Variants in DACH2 observed in about 807,000 individuals in gnomAD.
DACH2 encodes dachshund homolog 2.
DACH2 carries 17 observed loss-of-function variants against 35.8 expected under a neutral mutation model. The observed-to-expected ratio is 0.48, with a 90% CI of 0.33 to 0.71. The LOEUF (loss-of-function observed/expected upper bound fraction) is 0.71. Among genes scored for constraint, DACH2 ranks in the 30% least tolerant of loss-of-function variants. The probability of loss-of-function intolerance (pLI) is 0.02; values close to 1 mark genes in which losing one functional copy is unlikely to be tolerated. For synonymous variants in DACH2, 195 were observed against 177.3 expected, an observed-to-expected ratio of 1.10 and a Z score of -0.79; for missense variants, 469 against 472.7, an observed-to-expected ratio of 0.99 and a Z score of 0.07.
At chrX:86,244,566 A>G (rs758108486) in intron 1 of DACH2, among the ~76,000 whole-genome samples, 1 of 111,608 alleles carries the variant, frequency 9.0e-6, no homozygotes, top group East Asian at 2.8e-4. Flanking sequence ...GTGAGCCACA[A>G]TTGTACCACT....
At position 86,723,820 on chromosome X, in the gene DACH2, T is replaced by A. The variant is rs190751020; in HGVS notation, c.1104+9100T>A. On this transcript the variant is annotated intron_variant, in intron 6 of 11. Coordinates refer to ENST00000373125, the MANE Select transcript of DACH2 (RefSeq NM_053281.3). Reference sequence around the variant, plus strand: ...GGTTCTCCCATGTTGAGTGCTTATATTTTTAGAATCATGATATCCTCTTGC... The same window carrying A: ...GGTTCTCCCATGTTGAGTGCTTATAATTTTAGAATCATGATATCCTCTTGC... Among the ~76,000 whole-genome samples, 372 of 111,667 alleles carry A rather than the reference T, an allele frequency of 3.3e-3. 4 individuals carry two copies. Among genetic ancestry groups the A allele is most frequent in the African/African-American group, 0.012 (363 of 30,832 alleles).
At chrX:86,332,206 G>A (rs748057514) in intron 1 of DACH2, among the ~76,000 whole-genome samples, 33 of 111,088 alleles carry the variant, frequency 3.0e-4, no homozygotes, top group Non-Finnish European at 4.0e-4. Context: ...CTTAGTGGTC[G>A]GAGCTATTTA....
chrX:86,610,335 TCTTTCTTTC>T (rs1404583947), intron 3 of DACH2, among the ~76,000 whole-genome samples: 15 of 108,119 alleles, frequency 1.4e-4, no homozygotes, highest in African/African-American at 4.3e-4. Context: ...CCTTCCTTCC[TCTTTCTTTC>T]TCCTTCCTTC....
chrX:86,615,329 A>G (rs1057299082), intron 3 of DACH2, among the ~76,000 whole-genome samples: 6 of 111,602 alleles, frequency 5.4e-5, no homozygotes, highest in African/African-American at 1.9e-4. Context: ...GTGAATGAAT[A>G]TTGTTGCTCC....
intron 2 of DACH2, among the ~76,000 whole-genome samples, chrX:86,388,120 TAGA>T (rs953128167): frequency 8.9e-6 from 1 of 112,013 alleles, no homozygotes; most frequent in African/African-American, 3.2e-5. Flanking sequence ...GAGCTGGTGC[TAGA>T]AGAAGAGGAG....
rs905286460 is a variant in DACH2 at position 86,830,446 on chromosome X, C to T, written c.1751-1660C>T. Reference sequence around the variant, plus strand: ...TTGATTCACTTAATATTGTTTTCTTCTTGCTAGCCTAGTTTTTCTTTCAAT... The same window carrying T: ...TTGATTCACTTAATATTGTTTTCTTTTTGCTAGCCTAGTTTTTCTTTCAAT... On this transcript the variant is annotated intron_variant, in intron 11 of 11. Transcript: ENST00000373125. The T allele has an allele frequency of 4.5e-5, 5 of 111,729 alleles. No individual in the cohort carries two copies. The Admixed American group carries it at 4.8e-4, about 11-fold the overall frequency. The allele number at this position is 111,729 out of a possible 1,213,427, so 9.2% of individuals were successfully genotyped here.
At chrX:86,661,644 C>A (rs1742090157) in intron 4 of DACH2, among the ~76,000 whole-genome samples, 1 of 112,165 alleles carries the variant, frequency 8.9e-6, no homozygotes, top group African/African-American at 3.2e-5. Context: ...TTGCTATAAA[C>A]ATCTGTGCGC....
At chrX:86,260,654 C>T (rs1026697968) in intron 1 of DACH2, among the ~76,000 whole-genome samples, 1 of 112,233 alleles carries the variant, frequency 8.9e-6, no homozygotes, top group African/African-American at 3.2e-5. Flanking sequence ...CTTTTACATA[C>T]TTGCCAAGTC....
intron 7 of DACH2, among the ~76,000 whole-genome samples, chrX:86,783,626 A>G (rs749595797): frequency 5.3e-5 from 6 of 112,206 alleles, no homozygotes; most frequent in Non-Finnish European, 1.1e-4. Context: ...GCATGGATGG[A>G]ACTGGAATTT....
chrX:86,308,911 T>C (rs939894609), intron 1 of DACH2, among the ~76,000 whole-genome samples: 3 of 110,835 alleles, frequency 2.7e-5, no homozygotes, highest in African/African-American at 9.8e-5. Flanking sequence ...GTCCAATGAG[T>C]CACTGGACTC....
chrX:86,518,805 T>C (rs2038510298), intron 3 of DACH2, among the ~76,000 whole-genome samples: 2 of 111,971 alleles, frequency 1.8e-5, no homozygotes, highest in South Asian at 7.5e-4. Flanking sequence ...GCTGAGACAA[T>C]GGAGTTTTCT....
intron 1 of DACH2, among the ~76,000 whole-genome samples, chrX:86,301,711 C>T (rs1010112986): frequency 8.9e-6 from 1 of 111,935 alleles, no homozygotes; most frequent in Non-Finnish European, 1.9e-5. Context: ...AGTAAAATGA[C>T]AGTCATAATT....
intron 7 of DACH2, among the ~76,000 whole-genome samples, chrX:86,772,183 C>T (rs1022231644): frequency 4.5e-5 from 5 of 111,472 alleles, no homozygotes; most frequent in African/African-American, 9.8e-5. Flanking sequence ...AAATGCTTAG[C>T]ACAGGACTTG....
At chrX:86,760,242 C>T (rs1325611670) in intron 7 of DACH2, among the ~76,000 whole-genome samples, 1 of 111,210 alleles carries the variant, frequency 9.0e-6, no homozygotes, top group East Asian at 2.8e-4. Context: ...GCGCAAGTCT[C>T]TTGCTACACT....
intron 3 of DACH2, among the ~76,000 whole-genome samples, chrX:86,638,141 G>A (rs2040300125): frequency 9.0e-6 from 1 of 111,625 alleles, no homozygotes; most frequent in Non-Finnish European, 1.9e-5. Context: ...TAACAAAGTT[G>A]ACAAAAACAT....
chrX:86,348,528 A>T (rs1470544271), intron 1 of DACH2, among the ~76,000 whole-genome samples: 2 of 112,005 alleles, frequency 1.8e-5, no homozygotes, highest in East Asian at 5.6e-4. Flanking sequence ...TTGTTACAGA[A>T]TCAGTCAGCC....
At chrX:86,519,135 C>A (rs1238119178) in intron 3 of DACH2, among the ~76,000 whole-genome samples, 1 of 111,916 alleles carries the variant, frequency 8.9e-6, no homozygotes, top group Non-Finnish European at 1.9e-5. Flanking sequence ...TAAACCAGTT[C>A]TGCATCTATT....
chrX:86,621,033 A>G (rs943710186), intron 3 of DACH2, among the ~76,000 whole-genome samples: 1 of 111,793 alleles, frequency 8.9e-6, no homozygotes, highest in African/African-American at 3.2e-5. Flanking sequence ...ACTACTTTTA[A>G]TAATTCCTTT....
chrX:86,800,383 C>A (rs1175381341), intron 7 of DACH2, among the ~76,000 whole-genome samples: 2 of 111,693 alleles, frequency 1.8e-5, no homozygotes, highest in African/African-American at 6.5e-5. Context: ...GAAGAGGCAG[C>A]ATTAAAACAT....
Sources: allele counts gnomAD v4.1 joint callset (sites outside exome capture counted in the v4.1 genomes callset), GRCh38; gene constraint gnomAD v4.1.1; transcripts MANE v1.5; gene names NCBI Gene and HGNC (gene_info 2026-07-23, HGNC 2026-07-21).